The following FANCA variants were observed in gnomAD, a reference collection of about 807,000 sequenced individuals.
FANCA encodes FA complementation group A.
In FANCA, 236 loss-of-function variants were observed where a neutral mutation model predicts 194.3. That is an observed-to-expected ratio of 1.21 (90% CI 1.09 to 1.35). The LOEUF (loss-of-function observed/expected upper bound fraction) is 1.35, where lower values mean the gene tolerates loss of function less well. Among genes scored for constraint, FANCA ranks in the 40% most tolerant of loss-of-function variants. The pLI, the probability that FANCA is intolerant of heterozygous loss-of-function variation, is 0.00. For missense variants in FANCA, 2,628 were observed against 1,813.9 expected (o/e 1.45, Z -8.15); for synonymous variants, 1,014 against 715.8 (o/e 1.42, Z -6.65).
Position 89,738,528 on chromosome 16 carries a change from A to C in FANCA, c.*73T>G, listed in dbSNP as rs2062025631. On this transcript the variant is annotated 3_prime_UTR_variant, in exon 43 of 43. Coordinates refer to ENST00000389301, the MANE Select transcript of FANCA (RefSeq NM_000135.4). Reference sequence around the variant, plus strand: ...GATTTGTAATCCACTTTTTAGTGCAACAAGAGCTCCATGTTATGCTTGTAA... The same window carrying C: ...GATTTGTAATCCACTTTTTAGTGCACCAAGAGCTCCATGTTATGCTTGTAA... 10 of 1,605,376 alleles carry C rather than the reference A, an allele frequency of 6.2e-6. No individual in the cohort carries two copies. The highest frequency in any genetic ancestry group is 8.5e-6 in the Non-Finnish European group (10 of 1,174,646).
chr16:89,797,674 T>C (rs935073567), intron 10 of FANCA, among the ~76,000 whole-genome samples: 2 of 151,836 alleles, frequency 1.3e-5, no homozygotes, highest in African/African-American at 4.8e-5. Flanking sequence ...AGGTCAGGAG[T>C]TCGAGACCAG....
Position 89,811,075 on chromosome 16 carries a change from A to G in FANCA, c.284-4T>C. 6.2e-7 allele frequency: 1 copy of G among 1,614,004 alleles called. No individual in the cohort carries two copies. The highest frequency in any genetic ancestry group is 1.7e-5 in the Admixed American group (1 of 60,030). ...GCTTGATCCTGCAAAGCAGAGCCTT[A>G]AACACAAAACAAAACCATAGCTTTC... On this transcript the variant is annotated splice_region_variant and splice_polypyrimidine_tract_variant and intron_variant, in intron 3 of 42. Coordinates refer to ENST00000389301, the MANE Select transcript of FANCA (RefSeq NM_000135.4).
At chr16:89,816,056 G>T (rs780239135) in intron 1 of FANCA, 70 bp from the exon 2 acceptor site, 2 of 1,192,242 alleles carry the variant, frequency 1.7e-6, no homozygotes, top group Non-Finnish European at 2.5e-6. Flanking sequence ...CCGACGCGCA[G>T]GTGGACGCCG....
At chr16:89,767,466 C>G (rs949965640) in intron 26 of FANCA, among the ~76,000 whole-genome samples, 1 of 152,122 alleles carries the variant, frequency 6.6e-6, no homozygotes, top group Non-Finnish European at 1.5e-5. Flanking sequence ...CTCCCGGGTT[C>G]AAGCGAGTCT....
At chr16:89,778,904 T>C (rs374839235) in intron 19 of FANCA, 39 bp downstream of exon 19, 314 of 1,613,926 alleles carry the variant, frequency 1.9e-4, no homozygotes, top group Non-Finnish European at 2.5e-4. Flanking sequence ...CCTTGCTTTC[T>C]ACACAACTGG....
chr16:89,775,418 G>A (rs746955426), intron 21 of FANCA, among the ~76,000 whole-genome samples: 9 of 152,342 alleles, frequency 5.9e-5, no homozygotes, highest in South Asian at 4.1e-4. Context: ...CAAGGTGGCC[G>A]CTGAGAGAGC....
rs1402327994 is a variant in FANCA, at chr16:89,740,861, C to T, written c.3771G>A (p.Leu1257=). 1.2e-6 allele frequency: 2 copies of T among 1,612,520 alleles called. No individual in the cohort carries two copies. The highest frequency in any genetic ancestry group is 1.7e-6 in the Non-Finnish European group (2 of 1,179,076). Residue 1257 remains leucine (L), a synonymous_variant, in exon 38 of 43, where the codon TTG becomes TTA. Transcript: ENST00000389301. The stretch of plus-strand genomic sequence containing the variant: ...TCAAGGAGAAGAAGAAAAGGAAAAC[C>T]AATAGCTGTAAATAAAAACGTGCAC... The part of the protein sequence containing the change: ...KKLDCEREEL[L]VFLFFFSLMG...
chr16:89,763,660 C>G (rs927195077), intron 28 of FANCA, among the ~76,000 whole-genome samples: 1 of 151,658 alleles, frequency 6.6e-6, no homozygotes, highest in Non-Finnish European at 1.5e-5. Context: ...TCCCAGGGGC[C>G]GAGCGCAGTG....
chr16:89,775,765 G>T lies in FANCA; in HGVS notation c.1877C>A (p.Ser626Tyr). 1.2e-6 allele frequency: 2 copies of T among 1,612,838 alleles called. No individual in the cohort carries two copies. Among genetic ancestry groups the T allele is most frequent in the African/African-American group, 2.7e-5 (2 of 75,014 alleles). Residue 626 changes from serine to tyrosine, a missense_variant, in exon 21 of 43, where the codon TCT (serine) becomes TAT (tyrosine). Physicochemically the swap from Ser to Tyr is moderately radical, Grantham distance 144. Transcript: ENST00000389301. ...ACCTTCTGGCTTCTCTTCAGCAGCA[G>T]AGCAGGCCTGGCAGTAGGTGGAGTA... ...SLYSTYCQAC[S>Y]AAEEKPEDAA...
chr16:89,805,177 G>GAGAGACAGGCTGTTCTGCCTCGC, intron 7 of FANCA, 103 bp downstream of exon 7: 1 of 886,524 alleles, frequency 1.1e-6, no homozygotes, highest in South Asian at 1.4e-5. Flanking sequence ...CACGGCCACG[G>GAGAGACAGGCTGTTCTGCCTCGC]AGAGACAGGC....
Position 89,810,963 on chromosome 16 carries a change from G to A in FANCA, c.392C>T (p.Thr131Ile), listed in dbSNP as rs34491278. ...CACAGTCAGCAGCACAGGGTGACTG[G>A]TCTCCGCTGGAGCCGTGCAGATCTG... ...VGQICTAPAE[T>I]SHPVLLTVEQ... The change falls in exon 4 of 43, where the codon ACC becomes ATC. Residue 131 changes from threonine to isoleucine, a missense_variant. Coordinates refer to ENST00000389301, the MANE Select transcript of FANCA (RefSeq NM_000135.4). The A allele has an allele frequency of 6.2e-7, 1 of 1,613,980 alleles. No homozygotes were observed. The highest frequency in any genetic ancestry group is 8.5e-7 in the Non-Finnish European group (1 of 1,180,052).
chr16:89,739,060 G>A (rs187792766), intron 41 of FANCA, 73 bp downstream of exon 41: 72 of 1,613,800 alleles, frequency 4.5e-5, no homozygotes, highest in Admixed American at 6.7e-5. Context: ...TGCTGTGCCG[G>A]AACATTCTTT....
chr16:89,811,456 G>A (rs1454068089), intron 3 of FANCA, among the ~76,000 whole-genome samples: 6 of 152,182 alleles, frequency 3.9e-5, no homozygotes, highest in South Asian at 2.1e-4. Flanking sequence ...TCAGAGATAA[G>A]CCTGCCCCTG....
chr16:89,808,107 C>A (rs2040732434), intron 6 of FANCA, among the ~76,000 whole-genome samples, 187 bp downstream of exon 6: 1 of 151,348 alleles, frequency 6.6e-6, no homozygotes, highest in Admixed American at 6.6e-5. Flanking sequence ...CATAAACGTT[C>A]TCTTGAAATA....
At chr16:89,798,810 G>A (rs1312219574) in intron 10 of FANCA, 3 of 1,445,226 alleles carry the variant, frequency 2.1e-6, no homozygotes, top group Non-Finnish European at 1.8e-6. Flanking sequence ...GGGCTGAGAG[G>A]CAGGGCCAGC....
chr16:89,764,569 G>A (rs569872180), intron 28 of FANCA, among the ~76,000 whole-genome samples: 63 of 152,188 alleles, frequency 4.1e-4, no homozygotes, highest in Non-Finnish European at 8.8e-4. Context: ...GCCTCCCACA[G>A]TGCTGGGATC....
intron 5 of FANCA, among the ~76,000 whole-genome samples, chr16:89,809,311 C>T (rs150868627): frequency 2.2e-4 from 33 of 152,282 alleles, no homozygotes; most frequent in African/African-American, 3.4e-4. Flanking sequence ...CATGAATCAT[C>T]GCACTTCTTG....
intron 14 of FANCA, among the ~76,000 whole-genome samples, chr16:89,789,985 T>C (rs6500449): frequency 0.54 from 81,936 of 152,028 alleles, 24,632 homozygotes; most frequent in East Asian, 0.98. Flanking sequence ...AATGCCCACT[T>C]AGGTTCAGGA....
chr16:89,787,241 C>T (rs776934325), intron 14 of FANCA, among the ~76,000 whole-genome samples: 8 of 151,986 alleles, frequency 5.3e-5, no homozygotes, highest in East Asian at 1.9e-4. Flanking sequence ...CCAGCCAGGA[C>T]GGCCGGGCGC....
Sources: allele counts gnomAD v4.1 joint callset (sites outside exome capture counted in the v4.1 genomes callset), GRCh38; gene constraint gnomAD v4.1.1; transcripts MANE v1.5; gene names NCBI Gene and HGNC (gene_info 2026-07-23, HGNC 2026-07-21).